Variants in PSPC1 observed in about 807,000 individuals in gnomAD.
The protein encoded by PSPC1 is paraspeckle component 1.
PSPC1 carries 14 observed loss-of-function variants against 51.6 expected under a neutral mutation model. The observed-to-expected ratio is 0.27, with a 90% CI of 0.18 to 0.42. The LOEUF (loss-of-function observed/expected upper bound fraction) is 0.42. Ranked by LOEUF, PSPC1 falls within the 10% of genes least tolerant of loss-of-function variation. The pLI is 1.00. For missense variants in PSPC1, 406 were observed against 701.1 expected (o/e 0.58, Z 4.75); for synonymous variants, 193 against 231.9 (o/e 0.83, Z 1.53).
At chr13:19,776,878 C>T (rs1272914949) in intron 1 of PSPC1, among the ~76,000 whole-genome samples, 1 of 151,212 alleles carries the variant, frequency 6.6e-6, no homozygotes, top group African/African-American at 2.4e-5. Flanking sequence ...GTAATCCCAG[C>T]ACTTTGGGAG....
intron 4 of PSPC1, among the ~76,000 whole-genome samples, chr13:19,746,917 C>T (rs1457519841): frequency 1.3e-5 from 2 of 152,094 alleles, no homozygotes; most frequent in African/African-American, 4.8e-5. Flanking sequence ...CGAGACCAGC[C>T]TGACCAACAT....
At chr13:19,780,622 TAA>T (rs1357036216) in intron 1 of PSPC1, among the ~76,000 whole-genome samples, 3 of 124,278 alleles carry the variant, frequency 2.4e-5, no homozygotes, top group African/African-American at 8.8e-5. Context: ...GCATGCTCGT[TAA>T]GAGTCATCAC....
At chr13:19,760,919 C>T (rs915596619) in intron 2 of PSPC1, among the ~76,000 whole-genome samples, 13 of 151,770 alleles carry the variant, frequency 8.6e-5, no homozygotes, top group African/African-American at 2.9e-4. Flanking sequence ...ATCCGGGAGA[C>T]GGAGGTTGCA....
intron 1 of PSPC1, among the ~76,000 whole-genome samples, chr13:19,777,362 G>T (rs576663795): frequency 1.3e-5 from 2 of 149,228 alleles, no homozygotes; most frequent in South Asian, 2.1e-4. Context: ...TCCAGGAGGC[G>T]GGGGTTGCAG....
intron 6 of PSPC1, among the ~76,000 whole-genome samples, chr13:19,696,262 A>C (rs1445891449): frequency 2.0e-5 from 3 of 152,174 alleles, no homozygotes; most frequent in Admixed American, 6.5e-5. Flanking sequence ...ACAAATCTCT[A>C]TACTTATTTC....
At chr13:19,715,441 T>G (rs931831423) in intron 6 of PSPC1, among the ~76,000 whole-genome samples, 1 of 152,164 alleles carries the variant, frequency 6.6e-6, no homozygotes, top group Non-Finnish European at 1.5e-5. Flanking sequence ...TGGGCTATCA[T>G]GAAACAAGGT....
At chr13:19,743,923 C>T (rs1885688313) in intron 4 of PSPC1, among the ~76,000 whole-genome samples, 1 of 152,046 alleles carries the variant, frequency 6.6e-6, no homozygotes, top group Non-Finnish European at 1.5e-5. Flanking sequence ...GCCTGACCAA[C>T]ATGGAGAAAC....
chr13:19,672,934 T>TAGTC, downstream of PSPC1: 1 of 374,784 alleles, frequency 2.7e-6, no homozygotes, highest in East Asian at 7.1e-5. Flanking sequence ...AACAAGCCTG[T>TAGTC]AGTCCCAGAT....
At position 19,745,049 on chromosome 13, in the gene PSPC1, G is replaced by A. The variant is rs189805132; in HGVS notation, c.968-3400C>T. The stretch of plus-strand genomic sequence containing the variant: ...GCTTACCAAAGTGGGAGGCTGCCTC[G>A]GCCTCCGAAAGTAATCCCAGCACTT... On this transcript the variant is annotated intron_variant, in intron 4 of 8. Transcript: ENST00000338910. Among the ~76,000 whole-genome samples the A allele has an allele frequency of 2.2e-3, 341 of 152,242 alleles. 3 individuals are homozygous for A. Among genetic ancestry groups the A allele is most frequent in the South Asian group, 0.016 (75 of 4,830 alleles).
intron 4 of PSPC1, among the ~76,000 whole-genome samples, chr13:19,746,847 C>T (rs1886047949): frequency 6.6e-6 from 1 of 152,124 alleles, no homozygotes; most frequent in Admixed American, 6.6e-5. Context: ...TGGTGGCTCA[C>T]GCCTGTAACC....
chr13:19,782,656 C>CGCG lies in PSPC1; in HGVS notation c.99_101dup (p.Ala36dup). 6.4e-7 allele frequency: 1 copy of CGCG among 1,551,710 alleles called. No individual in the cohort carries two copies. The highest frequency in any genetic ancestry group is 8.6e-7 in the Non-Finnish European group (1 of 1,158,682). The stretch of plus-strand genomic sequence containing the variant: ...CGGCAAGAGCGAGCGCCATGGCTGC[C>CGCG]GCGGCCGCCGGCTCGCTCTCGCCCA... On this transcript the variant is annotated inframe_insertion, in exon 1 of 9. Transcript: ENST00000338910. This position sits in a 1 kb window ranked among gnomAD's most constrained non-coding sequence, Gnocchi z 4.5.
chr13:19,680,121 C>T (rs547992919), intron 6 of PSPC1, among the ~76,000 whole-genome samples: 1 of 152,034 alleles, frequency 6.6e-6, no homozygotes, highest in Non-Finnish European at 1.5e-5. Context: ...TTCAAATGAT[C>T]CTCCTGCCTC....
chr13:19,762,414 G>T (rs1157932433), intron 2 of PSPC1, among the ~76,000 whole-genome samples: 1 of 152,136 alleles, frequency 6.6e-6, no homozygotes, highest in African/African-American at 2.4e-5. Context: ...ACAAAAATTA[G>T]CCAGGCGTGG....
At chr13:19,763,776 GTA>G (rs2138232327) in intron 2 of PSPC1, among the ~76,000 whole-genome samples, 1 of 152,156 alleles carries the variant, frequency 6.6e-6, no homozygotes, top group East Asian at 1.9e-4. Flanking sequence ...CAAGGCAAGT[GTA>G]TCACCTGAAG....
At chr13:19,757,048 T>A (rs1887149613) in intron 3 of PSPC1, among the ~76,000 whole-genome samples, 1 of 150,968 alleles carries the variant, frequency 6.6e-6, no homozygotes, top group African/African-American at 2.4e-5. Flanking sequence ...GCGAATTGCT[T>A]GAACCTGGGA....
intron 5 of PSPC1, among the ~76,000 whole-genome samples, chr13:19,738,105 A>T (rs55789448): frequency 2.0e-5 from 3 of 152,288 alleles, no homozygotes; most frequent in East Asian, 1.9e-4. Context: ...TAATTTTTTT[A>T]AATTAAAAAT....
At chr13:19,757,129 C>CAAA (rs56303316) in intron 3 of PSPC1, among the ~76,000 whole-genome samples, 3 of 110,026 alleles carry the variant, frequency 2.7e-5, no homozygotes, top group South Asian at 3.1e-4. Flanking sequence ...GACTCCGTCT[C>CAAA]AAAAAAAAAA....
chr13:19,674,551 A>ATGT (rs1876421569), downstream of PSPC1: 1 of 151,524 alleles, frequency 6.6e-6, no homozygotes, highest in Non-Finnish European at 1.5e-5. Flanking sequence ...TTGTTTGTTA[A>ATGT]TGAGAATATA....
intron 2 of PSPC1, 77 bp from the exon 3 acceptor site, chr13:19,759,495 A>G: frequency 1.0e-6 from 1 of 977,926 alleles, no homozygotes; most frequent in African/African-American, 1.7e-5. Context: ...AATGTTTTAT[A>G]ATAATAAAGA....
Sources: allele counts gnomAD v4.1 joint callset (sites outside exome capture counted in the v4.1 genomes callset), GRCh38; gene constraint gnomAD v4.1.1; non-coding constraint Gnocchi (gnomAD v3.1); transcripts MANE v1.5; gene names NCBI Gene and HGNC (gene_info 2026-07-23, HGNC 2026-07-21).